Variants in ILKAP observed in about 807,000 individuals in gnomAD.
The protein encoded by ILKAP is integrin-linked kinase-associated serine/threonine phosphatase 2C.
ILKAP carries 11 observed loss-of-function variants against 49.1 expected under a neutral mutation model. The ratio of observed to expected loss-of-function variants is 0.22; its 90% confidence interval spans 0.14 to 0.37. The LOEUF is 0.37. Among genes scored for constraint, ILKAP ranks in the 10% least tolerant of loss-of-function variants. ILKAP has a pLI of 1.00. For synonymous variants in ILKAP, 186 were observed against 192.8 expected, an observed-to-expected ratio of 0.96 and a Z score of 0.29; for missense variants, 363 against 510.8, an observed-to-expected ratio of 0.71 and a Z score of 2.79.
At chr2:238,171,127 T>C (rs1693197933) in intron 10 of ILKAP, 103 bp from the exon 11 acceptor site, 3 of 743,522 alleles carry the variant, frequency 4.0e-6, no homozygotes, top group Non-Finnish European at 2.3e-6. Context: ...TTTGTCCAAC[T>C]ATTCAAAGGC....
rs552986395 is a variant in ILKAP at position 238,181,156 on chromosome 2, G to A, written c.836+909C>T. Among the ~76,000 whole-genome samples the A allele has an allele frequency of 5.9e-5, 9 of 152,242 alleles. No homozygotes were observed. In the East Asian group the frequency reaches 1.4e-3, roughly 23 times the overall value. On this transcript the variant is annotated intron_variant, in intron 9 of 11. Coordinates refer to ENST00000254654, the MANE Select transcript of ILKAP (RefSeq NM_030768.3). Reference sequence around the variant, plus strand: ...CTGTACCACTGACTAGATTCAGCCTGGAGCAATAAAAAAGGCTTCCCCAAA... The same window carrying A: ...CTGTACCACTGACTAGATTCAGCCTAGAGCAATAAAAAAGGCTTCCCCAAA...
chr2:238,195,506 T>G (rs1487626975), intron 1 of ILKAP, among the ~76,000 whole-genome samples: 1 of 152,142 alleles, frequency 6.6e-6, no homozygotes, highest in East Asian at 1.9e-4. Context: ...ATGTGAAGAT[T>G]TACACTCCAA....
At chr2:238,194,944 T>G in intron 1 of ILKAP, 74 bp from the exon 2 acceptor site, 3 of 1,207,146 alleles carry the variant, frequency 2.5e-6, no homozygotes, top group Non-Finnish European at 3.7e-6. Context: ...GAAGATCATG[T>G]GGTCTCCCCT....
At chr2:238,197,388 G>C (rs1268600803) in intron 1 of ILKAP, among the ~76,000 whole-genome samples, 1 of 152,140 alleles carries the variant, frequency 6.6e-6, no homozygotes, top group Non-Finnish European at 1.5e-5. Flanking sequence ...TGGTGTCACA[G>C]AGCCAGATGT....
rs1280268790 is a variant in ILKAP at position 238,189,801 on chromosome 2, G to A, written c.298+52C>T. 5 of 1,568,404 alleles carry A rather than the reference G, an allele frequency of 3.2e-6. No homozygotes were observed. In the Admixed American group the frequency reaches 8.6e-5, roughly 27 times the overall value. On this transcript the variant is annotated intron_variant, in intron 4 of 11. Coordinates refer to ENST00000254654, the MANE Select transcript of ILKAP (RefSeq NM_030768.3). ...AAAGCTGAAACTGGTTTTGCTCTGG[G>A]TTGTTTTAAAATATGAAGTCTAATA...
chr2:238,199,962 T>A (rs1290724988), intron 1 of ILKAP, among the ~76,000 whole-genome samples: 1 of 152,174 alleles, frequency 6.6e-6, no homozygotes, highest in East Asian at 1.9e-4. Flanking sequence ...ATCAAATATT[T>A]TATTTCCTCC....
intron 10 of ILKAP, among the ~76,000 whole-genome samples, chr2:238,171,433 T>C (rs1693215574): frequency 6.6e-6 from 1 of 152,202 alleles, no homozygotes; most frequent in South Asian, 2.1e-4. Context: ...AGTGCTGGGA[T>C]TACAGGCATG....
At chr2:238,192,507 G>T (rs1466753157) in intron 3 of ILKAP, among the ~76,000 whole-genome samples, 3 of 152,008 alleles carry the variant, frequency 2.0e-5, no homozygotes, top group Non-Finnish European at 4.4e-5. Flanking sequence ...AAACCATCCT[G>T]GCTAACATGG....
chr2:238,193,263 C>G (rs1313966351), intron 3 of ILKAP, among the ~76,000 whole-genome samples: 1 of 152,118 alleles, frequency 6.6e-6, no homozygotes, highest in African/African-American at 2.4e-5. Flanking sequence ...CTCTGTCACC[C>G]AGGCTGGAGT....
In ILKAP at chr2:238,170,476, C is replaced by G; in HGVS notation, c.*60G>C. 21 of 1,525,874 alleles carry G rather than the reference C, an allele frequency of 1.4e-5. No homozygotes were observed. The highest frequency in any genetic ancestry group is 1.9e-5 in the Non-Finnish European group (21 of 1,129,514). 94.5% of individuals were successfully genotyped at this position (1,525,874 alleles called of 1,614,324 possible). On this transcript the variant is annotated 3_prime_UTR_variant, in exon 12 of 12. Transcript: ENST00000254654. ...GAGTACACAAAACACACAATGTGCA[C>G]ACACACAAAATGAACCTTTTAAGTC...
At chr2:238,173,681 C>G (rs1693326750) in intron 9 of ILKAP, 28 bp from the exon 10 acceptor site, 1 of 1,608,516 alleles carries the variant, frequency 6.2e-7, no homozygotes, top group African/African-American at 1.3e-5. Context: ...ACATTTCAGA[C>G]TCTACCTGAC....
chr2:238,193,015 GA>G (rs35113840), intron 3 of ILKAP, among the ~76,000 whole-genome samples: 1 of 149,006 alleles, frequency 6.7e-6, no homozygotes, highest in South Asian at 2.1e-4. Context: ...TCCGTCTCAA[GA>G]AAAAAAAAAT....
intron 9 of ILKAP, among the ~76,000 whole-genome samples, chr2:238,179,547 G>GA (rs1177318882): frequency 1.3e-5 from 2 of 152,158 alleles, no homozygotes; most frequent in Non-Finnish European, 2.9e-5. Context: ...AGGCTGACAG[G>GA]AAACAGAATA....
intron 6 of ILKAP, among the ~76,000 whole-genome samples, chr2:238,184,798 A>G (rs1166895694): frequency 6.6e-6 from 1 of 151,536 alleles, no homozygotes. Flanking sequence ...CCTGGGCTTG[A>G]GTGATCTTCT....
intron 9 of ILKAP, among the ~76,000 whole-genome samples, chr2:238,176,305 T>G (rs10166113): frequency 0.99 from 150,518 of 152,186 alleles, 74,434 homozygotes; most frequent in East Asian, 1. Flanking sequence ...GCTAATTTTT[T>G]TATTTTTAGT....
chr2:238,180,911 TAG>T (rs746731267), intron 9 of ILKAP, among the ~76,000 whole-genome samples: 1 of 152,270 alleles, frequency 6.6e-6, no homozygotes, highest in African/African-American at 2.4e-5. Context: ...ACGCTCATGT[TAG>T]AGTCACATTC....
Position 238,194,788 on chromosome 2 carries a change from G to A in ILKAP, c.121+17C>T. The A allele has an allele frequency of 1.9e-6, 3 of 1,612,770 alleles. No individual in the cohort carries two copies. The highest frequency in any genetic ancestry group is 1.7e-5 in the Admixed American group (1 of 60,012). The stretch of plus-strand genomic sequence containing the variant: ...TAGAGACGTTGACACACACCTGGGA[G>A]AGCCTGAAGACTGTACCTGAGTCAG... On this transcript the variant is annotated intron_variant, in intron 2 of 11. Coordinates refer to ENST00000254654, the MANE Select transcript of ILKAP (RefSeq NM_030768.3).
intron 1 of ILKAP, among the ~76,000 whole-genome samples, chr2:238,195,924 T>C (rs1310654449): frequency 6.6e-6 from 1 of 150,520 alleles, no homozygotes; most frequent in Non-Finnish European, 1.5e-5. Flanking sequence ...GCGCCTGTAG[T>C]CCAAGCTACT....
chr2:238,183,811 C>G, intron 7 of ILKAP, 71 bp from the exon 8 acceptor site: 1 of 1,153,358 alleles, frequency 8.7e-7, no homozygotes, highest in Non-Finnish European at 1.3e-6. Context: ...TTCCAGAGCT[C>G]AATGGGAAGT....
Sources: gnomAD v4.1 joint callset for allele counts (sites outside exome capture counted in the v4.1 genomes callset) on GRCh38, gnomAD v4.1.1 for gene constraint, MANE v1.5 for transcripts, NCBI Gene and HGNC (gene_info 2026-07-23, HGNC 2026-07-21) for gene names.